The following ADGRL3 variants were observed in gnomAD, a reference collection of about 807,000 sequenced individuals.
ADGRL3 encodes the protein adhesion G protein-coupled receptor L3, also known as calcium-independent alpha-latrotoxin receptor 3.
Under a neutral mutation model 153.5 loss-of-function variants are expected in ADGRL3, and 62 were observed. That is an observed-to-expected ratio of 0.40 (90% CI 0.33 to 0.50). The LOEUF (loss-of-function observed/expected upper bound fraction) is 0.50, where lower values mean the gene tolerates loss of function less well. ADGRL3 is among the 20% of genes least tolerant of loss of function. ADGRL3 has a pLI of 0.47. For missense variants in ADGRL3, 1,641 were observed against 1,859.4 expected, an observed-to-expected ratio of 0.88 and a Z score of 2.16; for synonymous variants, 710 against 672.5, an observed-to-expected ratio of 1.06 and a Z score of -0.86.
intron 3 of ADGRL3, among the ~76,000 whole-genome samples, chr4:61,512,919 G>A (rs1239377059): frequency 6.6e-6 from 1 of 152,068 alleles, no homozygotes; most frequent in Non-Finnish European, 1.5e-5. Context: ...AGCTATATTA[G>A]TGTACATTTC....
chr4:61,844,575 A>AAAAAAAAAAAATATATATATATAT (rs1554045137), intron 9 of ADGRL3, among the ~76,000 whole-genome samples: 1 of 18,104 alleles, frequency 5.5e-5, no homozygotes, highest in African/African-American at 2.6e-4. Context: ...AAAAAAAAAA[A>AAAAAAAAAAAATATATATATATAT]ATATATATAT....
At chr4:62,026,465 A>G (rs979930174) in intron 21 of ADGRL3, among the ~76,000 whole-genome samples, 1 of 152,138 alleles carries the variant, frequency 6.6e-6, no homozygotes, top group East Asian at 1.9e-4. Context: ...TGTTGTCTTT[A>G]TTAAATGGAG....
chr4:62,068,756 C>G (rs931474644), intron 26 of ADGRL3, among the ~76,000 whole-genome samples: 1 of 152,112 alleles, frequency 6.6e-6, no homozygotes, highest in South Asian at 2.1e-4. Flanking sequence ...AAATAAATCG[C>G]TTCACCCTAT....
intron 5 of ADGRL3, among the ~76,000 whole-genome samples, chr4:61,588,897 G>T (rs574613487): frequency 7.2e-5 from 11 of 151,974 alleles, no homozygotes; most frequent in African/African-American, 9.7e-5. Flanking sequence ...AATTCATTTG[G>T]AATGTGAGTT....
chr4:61,332,699 C>T (rs1019781588), intron 1 of ADGRL3, among the ~76,000 whole-genome samples: 2 of 152,006 alleles, frequency 1.3e-5, no homozygotes, highest in African/African-American at 2.4e-5. Context: ...CTGTCAAATA[C>T]AAGGATGTTT....
chr4:61,673,403 T>A (rs972283393), intron 5 of ADGRL3, among the ~76,000 whole-genome samples: 2 of 151,814 alleles, frequency 1.3e-5, no homozygotes, highest in Non-Finnish European at 2.9e-5. Context: ...AAACATTAGG[T>A]AAGAGGGATA....
chr4:61,329,888 C>A (rs1042114339), intron 1 of ADGRL3, among the ~76,000 whole-genome samples: 9 of 152,074 alleles, frequency 5.9e-5, no homozygotes, highest in Admixed American at 2.6e-4. Flanking sequence ...CAGTAGGGTA[C>A]AAACACACCT....
intron 1 of ADGRL3, among the ~76,000 whole-genome samples, chr4:61,372,487 C>A (rs990679709): frequency 3.3e-5 from 5 of 152,118 alleles, no homozygotes; most frequent in Admixed American, 6.6e-5. Flanking sequence ...GAGTACCCTG[C>A]AGTGTGAGGT....
At chr4:61,446,877 G>A (rs1213541553) in intron 2 of ADGRL3, among the ~76,000 whole-genome samples, 2 of 152,128 alleles carry the variant, frequency 1.3e-5, no homozygotes, top group Non-Finnish European at 2.9e-5. Flanking sequence ...TACAATAAAA[G>A]GTAGGTGCCA....
At chr4:61,833,849 A>T (rs542199989) in intron 9 of ADGRL3, among the ~76,000 whole-genome samples, 3 of 152,164 alleles carry the variant, frequency 2.0e-5, no homozygotes, top group Admixed American at 2.0e-4. Context: ...AAGTTAGTTC[A>T]GCCTATGCCC....
At chr4:61,876,005 C>T (rs2149436619) in intron 9 of ADGRL3, among the ~76,000 whole-genome samples, 1 of 149,476 alleles carries the variant, frequency 6.7e-6, no homozygotes, top group Admixed American at 6.8e-5. Context: ...AGGCAGCATA[C>T]AGTGAAACCC....
At position 61,421,202 on chromosome 4, in the gene ADGRL3, CGG is replaced by C. The variant is rs1291782052; in HGVS notation, c.-174+38014_-174+38015del. On this transcript the variant is annotated intron_variant, in intron 2 of 26. Coordinates refer to ENST00000683033, the MANE Select transcript of ADGRL3 (RefSeq NM_001387552.1). ...ACAAAAAATTAGCTGGGCTTGGTGG[CGG>C]ACGCCTGTAGTCCCAGCTACTTGGG... Among the ~76,000 whole-genome samples the C allele has an allele frequency of 8.3e-3, 1,267 of 152,154 alleles. 27 individuals carry two copies. Among genetic ancestry groups the C allele is most frequent in the African/African-American group, 0.029 (1,191 of 41,514 alleles).
At chr4:61,298,604 G>A (rs914449474) in intron 1 of ADGRL3, among the ~76,000 whole-genome samples, 2 of 152,062 alleles carry the variant, frequency 1.3e-5, no homozygotes, top group African/African-American at 4.8e-5. Flanking sequence ...GCTGCCCAGG[G>A]AGGCTTACTT....
At chr4:61,369,915 T>C (rs1427979462) in intron 1 of ADGRL3, among the ~76,000 whole-genome samples, 2 of 152,142 alleles carry the variant, frequency 1.3e-5, no homozygotes, top group African/African-American at 4.8e-5. Flanking sequence ...GATCCTATTA[T>C]TGGTCTATTC....
At chr4:61,370,195 A>G (rs1477004288) in intron 1 of ADGRL3, among the ~76,000 whole-genome samples, 3 of 151,590 alleles carry the variant, frequency 2.0e-5, no homozygotes, top group South Asian at 2.1e-4. Context: ...TGGATTCATT[A>G]ATTTTTTGAA....
At chr4:61,532,749 G>GT (rs2098631071) in intron 4 of ADGRL3, among the ~76,000 whole-genome samples, 1 of 145,946 alleles carries the variant, frequency 6.9e-6, no homozygotes, top group Admixed American at 6.8e-5. Context: ...TTATTTAGAT[G>GT]TTTAAAAAAA....
intron 5 of ADGRL3, among the ~76,000 whole-genome samples, chr4:61,646,838 A>C (rs1430411587): frequency 6.6e-6 from 1 of 152,178 alleles, no homozygotes; most frequent in Non-Finnish European, 1.5e-5. Flanking sequence ...TTGTTTACCT[A>C]ATCAAGCCTG....
intron 1 of ADGRL3, among the ~76,000 whole-genome samples, chr4:61,336,768 T>A (rs1357456039): frequency 6.6e-6 from 1 of 152,018 alleles, no homozygotes; most frequent in African/African-American, 2.4e-5. Context: ...TACGACTGGG[T>A]TTTGAATGCA....
rs1203979976 is a variant in ADGRL3, at chr4:61,965,942, T to A, written c.2806-13621T>A. ...AATCCAATTCATGGAACTTTTAAGA[T>A]GTTAATTGTTTTTTGAATTTTATAT... is the stretch of plus-strand genomic sequence containing the variant. On this transcript the variant is annotated intron_variant, in intron 17 of 26. Transcript: ENST00000683033. Among the ~76,000 whole-genome samples the A allele has an allele frequency of 3.3e-5, 5 of 152,196 alleles. No homozygotes were observed. In the East Asian group the frequency reaches 7.7e-4, roughly 23 times the overall value.
Sources: allele counts gnomAD v4.1 joint callset (sites outside exome capture counted in the v4.1 genomes callset), GRCh38; gene constraint gnomAD v4.1.1; transcripts MANE v1.5; gene names NCBI Gene and HGNC (gene_info 2026-07-23, HGNC 2026-07-21).